SLCO1B1: variants seen among roughly 807,000 people sequenced by gnomAD.
SLCO1B1 encodes OATP-2.
SLCO1B1 carries 81 observed loss-of-function variants against 70.1 expected under a neutral mutation model. The ratio of observed to expected loss-of-function variants is 1.16; its 90% CI spans 0.97 to 1.39. The LOEUF (loss-of-function observed/expected upper bound fraction) is 1.39. Among genes scored for constraint, SLCO1B1 ranks in the 40% most tolerant of loss-of-function variants. The pLI is 0.00. For synonymous variants in SLCO1B1, 283 were observed against 271.5 expected (o/e 1.04, Z -0.42); for missense variants, 895 against 799.6 (o/e 1.12, Z -1.44).
intron 2 of SLCO1B1, among the ~76,000 whole-genome samples, chr12:21,160,515 C>T (rs892242286): frequency 6.6e-6 from 1 of 151,602 alleles, no homozygotes; most frequent in African/African-American, 2.4e-5. Flanking sequence ...AAATCAACTC[C>T]AGGCAGACTA....
intron 1 of SLCO1B1, among the ~76,000 whole-genome samples, chr12:21,135,216 T>C (rs1940200733): frequency 7.3e-6 from 1 of 137,222 alleles, no homozygotes; most frequent in Non-Finnish European, 1.7e-5. Context: ...TTATAATTTC[T>C]GTTCTTTTCC....
intron 14 of SLCO1B1, among the ~76,000 whole-genome samples, chr12:21,234,645 T>C (rs549981340): frequency 6.6e-6 from 1 of 152,168 alleles, no homozygotes; most frequent in South Asian, 2.1e-4. Context: ...GTCTCGGTTA[T>C]AGTTTTGCAG....
chr12:21,193,034 A>G (rs1941048372), intron 7 of SLCO1B1, among the ~76,000 whole-genome samples: 2 of 152,082 alleles, frequency 1.3e-5, no homozygotes, highest in Non-Finnish European at 2.9e-5. Context: ...ACTAATTTCC[A>G]GTTTTATTCC....
chr12:21,137,643 C>T, intron 1 of SLCO1B1, among the ~76,000 whole-genome samples: 1 of 152,196 alleles, frequency 6.6e-6, no homozygotes, highest in East Asian at 1.9e-4. Context: ...AAGCCAGGTG[C>T]AGGATATAAT....
Position 21,172,764 on chromosome 12 carries a change from G to A in SLCO1B1, c.199G>A (p.Gly67Ser). The change falls in exon 3 of 15, where the codon GGT becomes AGT. Residue 67 changes from glycine (G) to serine (S), a missense_variant. Physicochemically the swap from Gly to Ser is moderately conservative, Grantham distance 56. Coordinates refer to ENST00000256958, the MANE Select transcript of SLCO1B1 (RefSeq NM_006446.5). ...ATTTGAGATATCCTCTTCTCTTGTTGGTTTTATTGACGGAAGCTTTGAAAT... is the reference window on the plus strand; with the variant it reads ...ATTTGAGATATCCTCTTCTCTTGTTAGTTTTATTGACGGAAGCTTTGAAAT... The part of the protein sequence containing the change: ...RRFEISSSLV[G>S]FIDGSFEIGN... 6.2e-7 allele frequency: 1 copy of A among 1,613,084 alleles called. No individual in the cohort carries two copies. Among genetic ancestry groups the A allele is most frequent in the Non-Finnish European group, 8.5e-7 (1 of 1,179,628 alleles).
intron 10 of SLCO1B1, among the ~76,000 whole-genome samples, chr12:21,205,215 T>C (rs1033161676): frequency 2.0e-5 from 3 of 151,952 alleles, no homozygotes; most frequent in African/African-American, 7.2e-5. Context: ...ATATATTTTA[T>C]AATTTTAGCT....
intron 4 of SLCO1B1, among the ~76,000 whole-genome samples, chr12:21,176,374 G>A (rs944123735): frequency 6.6e-6 from 1 of 151,992 alleles, no homozygotes; most frequent in Non-Finnish European, 1.5e-5. Context: ...ACATTAGAGC[G>A]TGTGTGTGAA....
chr12:21,222,442 A>G (rs567459306), intron 13 of SLCO1B1, 78 bp downstream of exon 13: 1 of 276,688 alleles, frequency 3.6e-6, no homozygotes. Context: ...ACACACATAC[A>G]TATATTAAAT....
At chr12:21,139,532 A>T (rs1195855056) in intron 1 of SLCO1B1, among the ~76,000 whole-genome samples, 1 of 152,094 alleles carries the variant, frequency 6.6e-6, no homozygotes, top group Non-Finnish European at 1.5e-5. Flanking sequence ...TTAAATATGT[A>T]TTATATATAT....
intron 2 of SLCO1B1, among the ~76,000 whole-genome samples, chr12:21,165,198 A>G (rs1317152537): frequency 1.3e-5 from 2 of 152,146 alleles, no homozygotes; most frequent in East Asian, 1.9e-4. Flanking sequence ...GCAAGTAGAG[A>G]CTTTATTTCT....
chr12:21,198,166 T>C (rs1038752615), intron 8 of SLCO1B1, among the ~76,000 whole-genome samples: 1 of 152,124 alleles, frequency 6.6e-6, no homozygotes, highest in Non-Finnish European at 1.5e-5. Flanking sequence ...CTCCTTTCTA[T>C]CACACTAACC....
At chr12:21,194,936 A>C (rs1345851181) in intron 7 of SLCO1B1, among the ~76,000 whole-genome samples, 1 of 152,204 alleles carries the variant, frequency 6.6e-6, no homozygotes, top group East Asian at 1.9e-4. Flanking sequence ...TGAGAGAAAG[A>C]GCAAGGGGGA....
chr12:21,224,140 A>G (rs376694384), intron 13 of SLCO1B1, among the ~76,000 whole-genome samples: 2 of 152,164 alleles, frequency 1.3e-5, no homozygotes, highest in Admixed American at 6.5e-5. Flanking sequence ...AATGACATCA[A>G]TAAGTGGGAA....
At chr12:21,195,786 G>A (rs999967465) in intron 7 of SLCO1B1, among the ~76,000 whole-genome samples, 11 of 152,020 alleles carry the variant, frequency 7.2e-5, no homozygotes, top group African/African-American at 1.7e-4. Flanking sequence ...TTTATTTTCC[G>A]TAGCCTCCAA....
chr12:21,204,760 T>C (rs1441171130), intron 10 of SLCO1B1, among the ~76,000 whole-genome samples: 1 of 151,826 alleles, frequency 6.6e-6, no homozygotes, highest in Non-Finnish European at 1.5e-5. Flanking sequence ...GATGGCACTT[T>C]TGGTGTCTAG....
At chr12:21,131,579 G>A (rs984093418) in intron 1 of SLCO1B1, among the ~76,000 whole-genome samples, 5 of 151,924 alleles carry the variant, frequency 3.3e-5, no homozygotes. Flanking sequence ...AATTATTTTT[G>A]TCAACTACAT....
intron 13 of SLCO1B1, 135 bp from the exon 14 acceptor site, chr12:21,224,586 GA>G: frequency 1.5e-6 from 1 of 649,090 alleles, no homozygotes; most frequent in Non-Finnish European, 2.8e-6. Context: ...TTATTGGGTA[GA>G]TGCAGAACAA....
intron 7 of SLCO1B1, among the ~76,000 whole-genome samples, chr12:21,195,424 GT>G (rs3060578): frequency 6.6e-6 from 1 of 152,034 alleles, no homozygotes; most frequent in Non-Finnish European, 1.5e-5. Flanking sequence ...TTTGTTTTTT[GT>G]TTGTTTGTTT....
At chr12:21,236,527 A>G (rs979924760) in intron 14 of SLCO1B1, among the ~76,000 whole-genome samples, 2 of 152,166 alleles carry the variant, frequency 1.3e-5, no homozygotes, top group Non-Finnish European at 2.9e-5. Flanking sequence ...GGAGTTCCCA[A>G]ATTGCCACCA....
Sources: allele counts gnomAD v4.1 joint callset (sites outside exome capture counted in the v4.1 genomes callset), GRCh38; gene constraint gnomAD v4.1.1; transcripts MANE v1.5; gene names NCBI Gene and HGNC (gene_info 2026-07-23, HGNC 2026-07-21).